TAF4: variants seen among roughly 807,000 people sequenced by gnomAD.
TAF4 encodes transcription initiation factor TFIID subunit 4.
In TAF4, 9 loss-of-function variants were observed where a neutral mutation model predicts 90.3. The ratio of observed to expected loss-of-function variants is 0.10; its 90% CI spans 0.06 to 0.17. The LOEUF is 0.17. Among genes scored for constraint, TAF4 ranks in the 10% least tolerant of loss-of-function variants. The pLI is 1.00. For synonymous variants in TAF4, 818 were observed against 638.9 expected (o/e 1.28, Z -4.23); for missense variants, 1,351 against 1,370.7 (o/e 0.99, Z 0.23).
Position 61,997,685 on chromosome 20 carries a change from G to C in TAF4, c.2971-16C>G, listed in dbSNP as rs1425968773. On this transcript the variant is annotated splice_polypyrimidine_tract_variant and intron_variant, in intron 13 of 14. Transcript: ENST00000252996. ...GTTGCTGCATCTTTTATTTTGAAAAGGAGACAAGGAGCATCATTTCTTGCA... is the reference window on the plus strand; with the variant it reads ...GTTGCTGCATCTTTTATTTTGAAAACGAGACAAGGAGCATCATTTCTTGCA... 1.2e-6 allele frequency: 2 copies of C among 1,605,130 alleles called. No homozygotes were observed. The highest frequency in any genetic ancestry group is 2.2e-5 in the East Asian group (1 of 44,656).
rs750709115 is a variant in TAF4 at position 62,064,695 on chromosome 20, G to A, written c.1116C>T (p.Ser372=). The part of the protein sequence containing the change: ...AASGPASTAA[S]MVIGPTMQGA... ...CTTGCATAGTTGGCCCGATGACCAT[G>A]CTGGCCGCCGTGCTGGCCGGGCCGC... Residue 372 remains serine, a synonymous_variant, in exon 1 of 15, where the codon AGC becomes AGT. Transcript: ENST00000252996. 2 of 1,255,132 alleles carry A rather than the reference G, an allele frequency of 1.6e-6. No individual in the cohort carries two copies. The highest frequency in any genetic ancestry group is 2.0e-6 in the Non-Finnish European group (2 of 1,004,150). The allele number at this position is 1,255,132 out of a possible 1,614,324, so 77.7% of individuals were successfully genotyped here.
chr20:62,003,146 G>A lies in TAF4; in HGVS notation c.2486+14C>T. On this transcript the variant is annotated intron_variant, in intron 9 of 14. Transcript: ENST00000252996. ...TGGCCACGCTTCTCCAACGTACACA[G>A]GCCCATTCCTTACCGAAACGAACCT... The A allele has an allele frequency of 6.2e-7, 1 of 1,606,594 alleles. No homozygotes were observed. Among genetic ancestry groups the A allele is most frequent in the Non-Finnish European group, 8.5e-7 (1 of 1,173,202 alleles).
intron 1 of TAF4, among the ~76,000 whole-genome samples, chr20:62,048,786 C>T (rs2056009215): frequency 6.7e-6 from 1 of 149,910 alleles, no homozygotes; most frequent in Non-Finnish European, 1.5e-5. Flanking sequence ...CCTCTCCCCG[C>T]ATGCCCACCT....
intron 14 of TAF4, among the ~76,000 whole-genome samples, chr20:61,986,941 A>AG (rs1262523377): frequency 6.6e-6 from 1 of 152,260 alleles, no homozygotes; most frequent in African/African-American, 2.4e-5. Context: ...ATGCCCACGC[A>AG]GGGGCCAAAG....
At chr20:62,019,087 G>A (rs1420699186) in intron 1 of TAF4, among the ~76,000 whole-genome samples, 1 of 152,164 alleles carries the variant, frequency 6.6e-6, no homozygotes, top group African/African-American at 2.4e-5. Flanking sequence ...CAATGGGTCA[G>A]GGTCCAGCTA....
At chr20:61,998,389 G>A (rs554108158) in intron 12 of TAF4, among the ~76,000 whole-genome samples, 197 bp from the exon 13 acceptor site, 2 of 152,314 alleles carry the variant, frequency 1.3e-5, no homozygotes, top group South Asian at 4.1e-4. Context: ...CTTGAGAAAA[G>A]TCAGTAACAT....
chr20:62,050,967 A>C (rs1314087976), intron 1 of TAF4, among the ~76,000 whole-genome samples: 3 of 152,192 alleles, frequency 2.0e-5, no homozygotes, highest in Admixed American at 2.0e-4. Flanking sequence ...CCCCTCCCAC[A>C]GAGCAGCTCA....
At chr20:62,050,594 AAG>A (rs1321401254) in intron 1 of TAF4, among the ~76,000 whole-genome samples, 1 of 152,168 alleles carries the variant, frequency 6.6e-6, no homozygotes, top group Admixed American at 6.5e-5. Flanking sequence ...CCCCAATAAA[AAG>A]AGAAGAGAAG....
intron 1 of TAF4, among the ~76,000 whole-genome samples, chr20:62,025,534 GGTTCTCATGATAGCGAGTGA>G (rs1350935083): frequency 3.3e-5 from 5 of 152,248 alleles, no homozygotes; most frequent in African/African-American, 1.2e-4. Flanking sequence ...TCCCCCAGGC[GGTTCTCATGATAGCGAGTGA>G]GTTCTCACGA....
At chr20:61,979,571 T>G (rs1018625509) in intron 14 of TAF4, among the ~76,000 whole-genome samples, 1 of 141,522 alleles carries the variant, frequency 7.1e-6, no homozygotes, top group Non-Finnish European at 1.5e-5. Context: ...CTGCGGCCCA[T>G]GCAGGCGCGA....
At position 61,986,003 on chromosome 20, in the gene TAF4, C is replaced by T. The variant is rs192036813; in HGVS notation, c.3091-9668G>A. On this transcript the variant is annotated intron_variant, in intron 14 of 14. Transcript: ENST00000252996. ...CAATCAAAGGAAATACCATCCCCAA[C>T]CAAAGGAAACACCATCCCCCATCAA... Among the ~76,000 whole-genome samples the T allele has an allele frequency of 3.8e-3, 451 of 118,300 alleles. 5 individuals are homozygous for T. Among genetic ancestry groups the T allele is most frequent in the East Asian group, 9.5e-3 (26 of 2,734 alleles). 77.6% of individuals were successfully genotyped at this position (118,300 alleles called of 152,430 possible). A position where few individuals can be genotyped will look rare whatever the true frequency, so the allele number is the denominator to read the frequency against.
intron 1 of TAF4, among the ~76,000 whole-genome samples, chr20:62,054,844 G>A (rs1019202017): frequency 6.6e-6 from 1 of 151,976 alleles, no homozygotes; most frequent in Admixed American, 6.6e-5. Flanking sequence ...CCCAGACCCT[G>A]GCCTGTGCCA....
intron 1 of TAF4, among the ~76,000 whole-genome samples, chr20:62,060,764 C>T (rs953902025): frequency 5.9e-5 from 9 of 152,200 alleles, no homozygotes; most frequent in South Asian, 2.1e-4. Flanking sequence ...GCCACTGCAA[C>T]CCTCCCCTAT....
At chr20:62,022,956 G>A (rs2055851969) in intron 1 of TAF4, among the ~76,000 whole-genome samples, 1 of 151,424 alleles carries the variant, frequency 6.6e-6, no homozygotes, top group African/African-American at 2.4e-5. Flanking sequence ...ACAAAAATGC[G>A]AGCAAGTGAA....
At chr20:62,035,871 A>G (rs1600854432) in intron 1 of TAF4, among the ~76,000 whole-genome samples, 1 of 152,158 alleles carries the variant, frequency 6.6e-6, no homozygotes, top group East Asian at 1.9e-4. Context: ...GAAATAATTT[A>G]AAGAAAACGG....
chr20:62,026,614 C>T (rs1055224440), intron 1 of TAF4, among the ~76,000 whole-genome samples: 8 of 152,316 alleles, frequency 5.3e-5, no homozygotes, highest in East Asian at 1.9e-4. Flanking sequence ...ACAGACTGCG[C>T]GCACCCTCCA....
At chr20:62,059,430 T>G (rs1172363238) in intron 1 of TAF4, among the ~76,000 whole-genome samples, 1 of 152,204 alleles carries the variant, frequency 6.6e-6, no homozygotes, top group African/African-American at 2.4e-5. Context: ...TTTTCGAACA[T>G]AACTTGACAG....
chr20:62,052,499 C>T (rs1479730584), intron 1 of TAF4, among the ~76,000 whole-genome samples: 7 of 151,994 alleles, frequency 4.6e-5, no homozygotes, highest in South Asian at 4.2e-4. Context: ...TGCCCTGCCC[C>T]GCACCAGCTC....
At chr20:62,009,245 A>G in intron 4 of TAF4, 71 bp from the exon 5 acceptor site, 1 of 1,401,356 alleles carries the variant, frequency 7.1e-7, no homozygotes. Context: ...TTTGGTTACT[A>G]AAATATGCAT....
Sources: allele counts gnomAD v4.1 joint callset (sites outside exome capture counted in the v4.1 genomes callset), GRCh38; gene constraint gnomAD v4.1.1; transcripts MANE v1.5; gene names NCBI Gene and HGNC (gene_info 2026-07-23, HGNC 2026-07-21).